Variants in ERLEC1 observed in about 807,000 individuals in gnomAD.
ERLEC1 encodes the protein ER lectin.
ERLEC1 carries 47 observed loss-of-function variants against 68.0 expected under a neutral mutation model. That is an observed-to-expected ratio of 0.69 (90% CI 0.55 to 0.88). ERLEC1 has a LOEUF of 0.88. Among genes scored for constraint, ERLEC1 ranks in the 40% least tolerant of loss-of-function variants. ERLEC1 has a pLI of 0.00. For synonymous variants in ERLEC1, 225 were observed against 203.2 expected, an observed-to-expected ratio of 1.11 and a Z score of -0.91; for missense variants, 567 against 583.8, an observed-to-expected ratio of 0.97 and a Z score of 0.30.
At chr2:53,790,693 C>T (rs1675345985) in intron 1 of ERLEC1, among the ~76,000 whole-genome samples, 1 of 151,814 alleles carries the variant, frequency 6.6e-6, no homozygotes, top group Non-Finnish European at 1.5e-5. Flanking sequence ...ATGCTGGTTT[C>T]AAACTCCTGG....
At position 53,816,451 on chromosome 2, in the gene ERLEC1, T is replaced by C. The variant is rs1479660241; in HGVS notation, c.1381-1447T>C. 3.9e-5 allele frequency among the ~76,000 whole-genome samples: 6 copies of C among 151,976 alleles called. No individual in the cohort carries two copies. The East Asian group carries it at 1.2e-3, about 29-fold the overall frequency. On this transcript the variant is annotated intron_variant, in intron 13 of 13. Transcript: ENST00000185150. ...GTCCGGCTAATTTTTGTATTTTTAG[T>C]AGAGACAGTGTTTCACCTTGTTGGC...
At chr2:53,787,869 C>A (rs987220235) in intron 1 of ERLEC1, among the ~76,000 whole-genome samples, 2 of 152,240 alleles carry the variant, frequency 1.3e-5, no homozygotes, top group African/African-American at 4.8e-5. Context: ...TCCAAGGGAA[C>A]TTTTTCCTTT....
chr2:53,797,427 G>A (rs144046106), intron 3 of ERLEC1, 88 bp from the exon 4 acceptor site: 3 of 889,656 alleles, frequency 3.4e-6, no homozygotes, highest in Non-Finnish European at 5.2e-6. Context: ...TGAAATCTTA[G>A]GGGAAGTCTC....
chr2:53,809,404 G>T, intron 10 of ERLEC1, 131 bp downstream of exon 10: 2 of 681,846 alleles, frequency 2.9e-6, no homozygotes, highest in Non-Finnish European at 4.6e-6. Flanking sequence ...TATAATCAAA[G>T]TATCTCCAAA....
chr2:53,815,013 T>TTTTTTTTTTTTTTTTTTTTTTTTC, intron 13 of ERLEC1, 78 bp downstream of exon 13: 1 of 982,898 alleles, frequency 1.0e-6, no homozygotes, highest in Non-Finnish European at 1.5e-6. Flanking sequence ...TTTTTTTTTT[T>TTTTTTTTTTTTTTTTTTTTTTTTC]TTTGTTTTTT....
At chr2:53,813,169 T>C (rs1676683669) in intron 11 of ERLEC1, 96 bp downstream of exon 11, 2 of 1,457,176 alleles carry the variant, frequency 1.4e-6, no homozygotes, top group East Asian at 4.8e-5. Context: ...TTAAGTAAAA[T>C]CCCTGTTTAG....
intron 11 of ERLEC1, 79 bp downstream of exon 11, chr2:53,813,152 C>A: frequency 6.6e-7 from 1 of 1,518,730 alleles, no homozygotes; most frequent in Non-Finnish European, 8.9e-7. Flanking sequence ...CATAAAAATT[C>A]AAACATTTAA....
intron 13 of ERLEC1, among the ~76,000 whole-genome samples, chr2:53,815,667 G>A (rs1297592710): frequency 6.6e-6 from 1 of 152,044 alleles, no homozygotes; most frequent in African/African-American, 2.4e-5. Flanking sequence ...ATCATATAGT[G>A]TATAATATTT....
rs763649949 is a variant in ERLEC1, at chr2:53,797,746, C to T, written c.441C>T (p.His147=). Residue 147 remains histidine, a synonymous_variant, in exon 5 of 14, where the codon CAC becomes CAT. Coordinates refer to ENST00000185150, the MANE Select transcript of ERLEC1 (RefSeq NM_015701.5). ...EKETGQKINI[H]EYYLGNMLAK... ...TTTCAATGTAGAAAATAAATATTCA[C>T]GAGTACTACCTTGGGAATATGTTGG... The T allele has an allele frequency of 1.1e-5, 18 of 1,611,714 alleles. No homozygotes were observed. In the East Asian group the frequency reaches 2.2e-4, roughly 20 times the overall value.
chr2:53,801,724 C>G lies in ERLEC1; in HGVS notation c.761C>G (p.Ser254Cys), dbSNP rs1211653370. Reference sequence around the variant, plus strand: ...TTCCTACTGAACAGGTTCAGAGCATCTCCTGTGAATGACATATTTTGTCAA... The same window carrying G: ...TTCCTACTGAACAGGTTCAGAGCATGTCCTGTGAATGACATATTTTGTCAA... ...CSHPKYRFRA[S>C]PVNDIFCQSL... The change falls in exon 8 of 14, where the codon TCT becomes TGT. Residue 254 changes from serine (S) to cysteine (C), a missense_variant. Physicochemically the swap from Ser to Cys is moderately radical, Grantham distance 112. Transcript: ENST00000185150. 1 of 1,614,034 alleles carries G rather than the reference C, an allele frequency of 6.2e-7. No individual in the cohort carries two copies. The highest frequency in any genetic ancestry group is 1.7e-5 in the Admixed American group (1 of 60,010).
In ERLEC1 at chr2:53,797,922, C is replaced by T. The variant is rs988023955; in HGVS notation, c.490+127C>T. 24 of 854,756 alleles carry T rather than the reference C, an allele frequency of 2.8e-5. 1 individual carries two copies. The highest frequency in any genetic ancestry group is 5.1e-5 in the East Asian group (2 of 39,494). 52.9% of individuals were successfully genotyped at this position (854,756 alleles called of 1,614,324 possible). ...TTTTAAAATACTGAAATAGGCTGGGCGCGGTGGCTGACGCGTGTAATCCCA... is the reference window on the plus strand; with the variant it reads ...TTTTAAAATACTGAAATAGGCTGGGTGCGGTGGCTGACGCGTGTAATCCCA... On this transcript the variant is annotated intron_variant, in intron 5 of 13. Coordinates refer to ENST00000185150, the MANE Select transcript of ERLEC1 (RefSeq NM_015701.5).
intron 1 of ERLEC1, among the ~76,000 whole-genome samples, chr2:53,789,393 CAAAAA>C (rs1160757930): frequency 1.3e-5 from 1 of 79,748 alleles, no homozygotes. Flanking sequence ...GACTCTGTCT[CAAAAA>C]AAAAAAAAAA....
Position 53,793,114 on chromosome 2 carries a change from C to T in ERLEC1, c.163-1231C>T, listed in dbSNP as rs529770436. ...AAATAGTACCATAGTTGCACAGTACCATAAGAGGAAAGTGAAGAGAGAATT... is the reference window on the plus strand; with the variant it reads ...AAATAGTACCATAGTTGCACAGTACTATAAGAGGAAAGTGAAGAGAGAATT... On this transcript the variant is annotated intron_variant, in intron 1 of 13. Transcript: ENST00000185150. 4.6e-5 allele frequency among the ~76,000 whole-genome samples: 7 copies of T among 152,120 alleles called. No individual in the cohort carries two copies. The East Asian group carries it at 1.4e-3, about 29-fold the overall frequency.
intron 11 of ERLEC1, among the ~76,000 whole-genome samples, chr2:53,814,032 A>G (rs1354022652): frequency 3.3e-5 from 5 of 152,208 alleles, no homozygotes; most frequent in African/African-American, 7.2e-5. Context: ...GGTATCATGT[A>G]CAATATATGT....
chr2:53,797,663 T>G, intron 4 of ERLEC1, 69 bp from the exon 5 acceptor site: 1 of 1,567,972 alleles, frequency 6.4e-7, no homozygotes, highest in Middle Eastern at 1.7e-4. Context: ...ATTGATAGTT[T>G]TAAAGTTGTA....
intron 10 of ERLEC1, among the ~76,000 whole-genome samples, chr2:53,810,976 G>A (rs935592691): frequency 6.6e-6 from 1 of 151,956 alleles, no homozygotes; most frequent in African/African-American, 2.4e-5. Flanking sequence ...TGTCTCCTCT[G>A]CCATCATACC....
In ERLEC1 at chr2:53,792,115, C is replaced by T. The variant is rs527265698; in HGVS notation, c.163-2230C>T. ...ATTTTTAGTAGAGACAGGGTTTCACCGTCTTAGCCAGGATAGTCTGGATCT... is the reference window on the plus strand; with the variant it reads ...ATTTTTAGTAGAGACAGGGTTTCACTGTCTTAGCCAGGATAGTCTGGATCT... On this transcript the variant is annotated intron_variant, in intron 1 of 13. Transcript: ENST00000185150. Among the ~76,000 whole-genome samples the T allele has an allele frequency of 2.6e-5, 4 of 151,886 alleles. No individual in the cohort carries two copies. The East Asian group carries it at 7.8e-4, about 29-fold the overall frequency.
At chr2:53,814,961 A>ATGGAATTTTTG in intron 13 of ERLEC1, 26 bp downstream of exon 13, 4 of 1,413,530 alleles carry the variant, frequency 2.8e-6, no homozygotes, top group Non-Finnish European at 2.9e-6. Context: ...AATAATCAAA[A>ATGGAATTTTTG]ATTCCATTTT....
In ERLEC1 at chr2:53,790,902, G is replaced by A. The variant is rs534411639; in HGVS notation, c.163-3443G>A. On this transcript the variant is annotated intron_variant, in intron 1 of 13. Transcript: ENST00000185150. ...TTCCTTCTGAAGTATCACCTCTGTC[G>A]TTATGTTTAATTATTCATTACTTTA... 5.3e-5 allele frequency among the ~76,000 whole-genome samples: 8 copies of A among 152,218 alleles called. No individual in the cohort carries two copies. The East Asian group carries it at 7.7e-4, about 15-fold the overall frequency.
Sources: allele counts gnomAD v4.1 joint callset (sites outside exome capture counted in the v4.1 genomes callset), GRCh38; gene constraint gnomAD v4.1.1; transcripts MANE v1.5; gene names NCBI Gene and HGNC (gene_info 2026-07-23, HGNC 2026-07-21).